Variants in TAFA2 observed in about 807,000 individuals in gnomAD.
TAFA2 encodes chemokine-like protein TAFA-2.
In TAFA2, 7 loss-of-function variants were observed where a neutral mutation model predicts 18.8. The observed-to-expected ratio is 0.37, with a 90% confidence interval of 0.21 to 0.70. TAFA2 has a LOEUF of 0.70. Among genes scored for constraint, TAFA2 ranks in the 30% least tolerant of loss-of-function variants. TAFA2 has a pLI of 0.53. For synonymous variants in TAFA2, 60 were observed against 54.2 expected, an observed-to-expected ratio of 1.11 and a Z score of -0.47; for missense variants, 122 against 158.1, an observed-to-expected ratio of 0.77 and a Z score of 1.23.
Position 61,851,045 on chromosome 12 carries a change from T to C in TAFA2, c.106+16275A>G, listed in dbSNP as rs189892154. Reference sequence around the variant, plus strand: ...AAAGGAAAAGACCATATCATAATTATATTTATTCTAGACACTGTTAGGAAC... The same window carrying C: ...AAAGGAAAAGACCATATCATAATTACATTTATTCTAGACACTGTTAGGAAC... On this transcript the variant is annotated intron_variant, in intron 2 of 4. Coordinates refer to ENST00000416284, the MANE Select transcript of TAFA2 (RefSeq NM_178539.5). Among the ~76,000 whole-genome samples the C allele has an allele frequency of 3.3e-5, 5 of 152,344 alleles. No homozygotes were observed. In the East Asian group the frequency reaches 9.6e-4, roughly 29 times the overall value.
intron 1 of TAFA2, among the ~76,000 whole-genome samples, chr12:62,033,551 T>C (rs1259038189): frequency 6.6e-6 from 1 of 152,238 alleles, no homozygotes; most frequent in East Asian, 1.9e-4. Context: ...CATTATCACC[T>C]AATTCTCTAT....
intron 1 of TAFA2, among the ~76,000 whole-genome samples, chr12:62,160,846 G>A (rs896891550): frequency 6.6e-6 from 1 of 152,136 alleles, no homozygotes; most frequent in Admixed American, 6.6e-5. Context: ...CCCTGCGATG[G>A]TCTGGTATCC....
chr12:61,809,086 T>C (rs551024894), intron 2 of TAFA2, among the ~76,000 whole-genome samples: 8 of 151,420 alleles, frequency 5.3e-5, no homozygotes, highest in Non-Finnish European at 1.2e-4. Context: ...TGAAAGCACA[T>C]AGCTTGAAAG....
At chr12:61,837,580 G>GA (rs1408329699) in intron 2 of TAFA2, among the ~76,000 whole-genome samples, 3 of 151,802 alleles carry the variant, frequency 2.0e-5, no homozygotes, top group Non-Finnish European at 4.4e-5. Flanking sequence ...TTATATATCT[G>GA]AACTGCTGTT....
rs1874999003 is a variant in TAFA2 at position 61,879,204 on chromosome 12, C to A, written c.-1-11778G>T. ...AATGTTTAAAACATTCTTCCAGCTT[C>A]AGGCCCAAAGTTCTTTCCATTAAAA... On this transcript the variant is annotated intron_variant, in intron 1 of 4. Transcript: ENST00000416284. 2.3e-5 allele frequency: 8 copies of A among 341,276 alleles called. No homozygotes were observed. The South Asian group carries it at 3.5e-4, about 15-fold the overall frequency. 21.1% of individuals were successfully genotyped at this position (341,276 alleles called of 1,614,324 possible). A position where few individuals can be genotyped will look rare whatever the true frequency, so the allele number is the denominator to read the frequency against.
chr12:62,132,243 A>G (rs1870717249), intron 1 of TAFA2, among the ~76,000 whole-genome samples: 1 of 151,852 alleles, frequency 6.6e-6, no homozygotes, highest in South Asian at 2.1e-4. Context: ...AAAGCACTTA[A>G]CATGAAAATA....
chr12:61,999,163 G>T (rs1191021748), intron 1 of TAFA2, among the ~76,000 whole-genome samples: 1 of 152,232 alleles, frequency 6.6e-6, no homozygotes, highest in African/African-American at 2.4e-5. Context: ...TTAATTCTAG[G>T]GGGTAGTTCC....
chr12:62,042,334 A>C (rs1053406860), intron 1 of TAFA2, among the ~76,000 whole-genome samples: 1 of 151,996 alleles, frequency 6.6e-6, no homozygotes, highest in African/African-American at 2.4e-5. Flanking sequence ...CTTGGCTGCT[A>C]ATCCAGTTCA....
intron 1 of TAFA2, among the ~76,000 whole-genome samples, chr12:62,018,267 A>G (rs1185420056): frequency 6.6e-6 from 1 of 152,202 alleles, no homozygotes; most frequent in Admixed American, 6.5e-5. Context: ...TGGAATAACA[A>G]TCATTAGTCA....
At chr12:62,242,516 G>T in intron 1 of TAFA2, 1 of 154,466 alleles carries the variant, frequency 6.5e-6, no homozygotes, top group South Asian at 1.8e-4. Context: ...GAGATGAGGA[G>T]GTCTCACTGT....
intron 4 of TAFA2, among the ~76,000 whole-genome samples, chr12:61,731,674 C>A (rs1261522377): frequency 6.6e-6 from 1 of 151,888 alleles, no homozygotes; most frequent in Non-Finnish European, 1.5e-5. Context: ...GAGATAGTCC[C>A]CATTTATGAT....
At chr12:61,824,470 A>C (rs1202384239) in intron 2 of TAFA2, among the ~76,000 whole-genome samples, 1 of 152,166 alleles carries the variant, frequency 6.6e-6, no homozygotes, top group Admixed American at 6.6e-5. Flanking sequence ...TAGAGTATGT[A>C]TTAGTGCCAT....
chr12:62,001,701 G>C (rs981814831), intron 1 of TAFA2, among the ~76,000 whole-genome samples: 4 of 152,062 alleles, frequency 2.6e-5, no homozygotes, highest in East Asian at 1.9e-4. Flanking sequence ...ACCCCCTGCT[G>C]TGTCGCCCAG....
chr12:61,716,810 G>T (rs1259689822), intron 4 of TAFA2, among the ~76,000 whole-genome samples: 2 of 152,092 alleles, frequency 1.3e-5, no homozygotes, highest in East Asian at 3.9e-4. Flanking sequence ...TAAACAACTG[G>T]AAGACAAGAA....
chr12:61,903,232 T>A (rs1394008112), intron 1 of TAFA2, among the ~76,000 whole-genome samples: 1 of 152,134 alleles, frequency 6.6e-6, no homozygotes. Context: ...AATAGACTAC[T>A]AGGGATCTGG....
At chr12:61,970,797 T>G (rs923831458) in intron 1 of TAFA2, among the ~76,000 whole-genome samples, 9 of 149,042 alleles carry the variant, frequency 6.0e-5, no homozygotes, top group Non-Finnish European at 1.3e-4. Context: ...ACTAGAATGG[T>G]CACATTGAGA....
intron 2 of TAFA2, among the ~76,000 whole-genome samples, chr12:61,805,601 A>T (rs886999274): frequency 5.9e-5 from 9 of 152,236 alleles, no homozygotes; most frequent in African/African-American, 1.9e-4. Context: ...TGGCTGTGTT[A>T]AGTAATTCCT....
intron 2 of TAFA2, among the ~76,000 whole-genome samples, chr12:61,802,681 A>G (rs1871446904): frequency 6.6e-6 from 1 of 152,022 alleles, no homozygotes; most frequent in South Asian, 2.1e-4. Context: ...ACAACACAGT[A>G]GGGTGACTTT....
intron 1 of TAFA2, among the ~76,000 whole-genome samples, chr12:62,037,415 C>G (rs1051591806): frequency 9.9e-5 from 15 of 152,218 alleles, no homozygotes; most frequent in Non-Finnish European, 1.9e-4. Flanking sequence ...TTAAATTGCT[C>G]TCTCTTGAGT....
Sources: gnomAD v4.1 joint callset for allele counts (sites outside exome capture counted in the v4.1 genomes callset) on GRCh38, gnomAD v4.1.1 for gene constraint, MANE v1.5 for transcripts, NCBI Gene and HGNC (gene_info 2026-07-23, HGNC 2026-07-21) for gene names.